The following CELF2 variants were observed in gnomAD, a reference collection of about 807,000 sequenced individuals.
CELF2 encodes CUG triplet repeat RNA-binding protein 2.
CELF2 carries 8 observed loss-of-function variants against 62.6 expected under a neutral mutation model. The observed-to-expected ratio is 0.13, with a 90% CI of 0.07 to 0.23. The LOEUF is 0.23. Among genes scored for constraint, CELF2 ranks in the 10% least tolerant of loss-of-function variants. CELF2 has a pLI of 1.00. For synonymous variants in CELF2, 258 were observed against 250.0 expected (o/e 1.03, Z -0.30); for missense variants, 333 against 671.0 (o/e 0.50, Z 5.56).
chr10:10,806,407 G>A (rs995727292), intron 1 of CELF2, among the ~76,000 whole-genome samples: 7 of 152,036 alleles, frequency 4.6e-5, no homozygotes, highest in African/African-American at 9.7e-5. Flanking sequence ...GCTTCACCAC[G>A]TTGGCCAGGA....
chr10:11,208,332 G>A (rs1405109729), intron 2 of CELF2, among the ~76,000 whole-genome samples: 1 of 152,176 alleles, frequency 6.6e-6, no homozygotes, highest in Non-Finnish European at 1.5e-5. Flanking sequence ...CGGTTTCTGT[G>A]ACACAGGCGC....
In CELF2 at chr10:10,987,056, G is replaced by A. The variant is rs115831668; in HGVS notation, c.89+67057G>A. Among the ~76,000 whole-genome samples, 158 of 152,310 alleles carry A rather than the reference G, an allele frequency of 1.0e-3. 1 individual carries two copies. The highest frequency in any genetic ancestry group is 3.2e-3 in the African/African-American group (133 of 41,564). The stretch of plus-strand genomic sequence containing the variant: ...TCAGGCTTGGATAGACTAGCTGGCA[G>A]TAGTCATCTTTACCTTTGGTCCTAC... On this transcript the variant is annotated intron_variant, in intron 2 of 13. Transcript: ENST00000636488.
chr10:11,273,289 A>G (rs958339834), intron 7 of CELF2, among the ~76,000 whole-genome samples: 5 of 152,006 alleles, frequency 3.3e-5, no homozygotes, highest in African/African-American at 9.7e-5. Flanking sequence ...GCGGCAGGCG[A>G]GAGAGCGTTA....
At chr10:11,050,374 G>C (rs1176925271) in intron 1 of CELF2, among the ~76,000 whole-genome samples, 1 of 152,186 alleles carries the variant, frequency 6.6e-6, no homozygotes, top group Admixed American at 6.5e-5. Context: ...TTGGGCTTGG[G>C]TTTCAGATAC....
chr10:11,329,921 C>T lies in CELF2; in HGVS notation c.*868C>T, dbSNP rs1012749464. On this transcript the variant is annotated 3_prime_UTR_variant, in exon 13 of 13. Coordinates refer to ENST00000633077, the MANE Select transcript of CELF2 (RefSeq NM_001326342.2). This position sits in a 1 kb window ranked among gnomAD's most constrained non-coding sequence, Gnocchi z 5.5. ...GTAAAAAAGCATTTCTATTTTTATA[C>T]AAAATTTTTACTGCCTCAGAAATAA... 2.0e-5 allele frequency: 3 copies of T among 152,484 alleles called. No homozygotes were observed. Among genetic ancestry groups the T allele is most frequent in the African/African-American group, 7.2e-5 (3 of 41,406 alleles). 9.4% of individuals were successfully genotyped at this position (152,484 alleles called of 1,614,324 possible).
the CELF2 span, among the ~76,000 whole-genome samples, chr10:10,747,142 G>A: frequency 6.6e-6 from 1 of 152,158 alleles, no homozygotes; most frequent in Non-Finnish European, 1.5e-5. Flanking sequence ...ATGTTGTCTA[G>A]GTAAGAGGTC....
intron 4 of CELF2, among the ~76,000 whole-genome samples, chr10:11,253,492 T>C (rs2077742020): frequency 6.6e-6 from 1 of 152,172 alleles, no homozygotes; most frequent in Non-Finnish European, 1.5e-5. Flanking sequence ...AGAAATAATT[T>C]TGAAATTCAA....
At chr10:11,016,847 A>G (rs2057324226), upstream of CELF2, among the ~76,000 whole-genome samples, 1 of 152,266 alleles carries the variant, frequency 6.6e-6, no homozygotes, top group Admixed American at 6.5e-5. This position sits in a 1 kb window ranked among gnomAD's most constrained non-coding sequence, Gnocchi z 5.2. Flanking sequence ...AGACACATAC[A>G]TTACCCTAAA....
At chr10:10,467,134 C>T in the CELF2 span, among the ~76,000 whole-genome samples, 51,559 of 151,852 alleles carry the variant, frequency 0.34, 9,265 homozygotes, top group Admixed American at 0.42. Flanking sequence ...ATTTATTTCA[C>T]GGTTCATACT....
At chr10:10,795,156 G>A (rs752174572), upstream of CELF2, among the ~76,000 whole-genome samples, 1 of 151,656 alleles carries the variant, frequency 6.6e-6, no homozygotes, top group African/African-American at 2.4e-5. Context: ...TCACAGAAAT[G>A]TTAGCTCTAT....
the CELF2 span, among the ~76,000 whole-genome samples, chr10:10,699,682 C>A: frequency 6.6e-6 from 1 of 152,232 alleles, no homozygotes; most frequent in Non-Finnish European, 1.5e-5. Flanking sequence ...ATTTGAGGAA[C>A]TGAAAGAAGA....
the CELF2 span, among the ~76,000 whole-genome samples, chr10:10,493,784 G>A: frequency 3.3e-5 from 5 of 152,080 alleles, no homozygotes; most frequent in South Asian, 2.1e-4. Context: ...CACCCGCCTC[G>A]GCCTCCCAAA....
chr10:11,076,016 ATTAGT>A (rs1564630651), intron 1 of CELF2, among the ~76,000 whole-genome samples: 1 of 152,098 alleles, frequency 6.6e-6, no homozygotes, highest in Non-Finnish European at 1.5e-5. Context: ...AATTAAGAAC[ATTAGT>A]TTAACTCTCT....
At chr10:11,149,524 T>C (rs778000725) in intron 1 of CELF2, among the ~76,000 whole-genome samples, 1 of 152,180 alleles carries the variant, frequency 6.6e-6, no homozygotes, top group Non-Finnish European at 1.5e-5. Context: ...ATGAGCCCCG[T>C]GGCCAGAGGA....
the CELF2 span, among the ~76,000 whole-genome samples, chr10:10,546,976 A>G: frequency 6.6e-6 from 1 of 152,066 alleles, no homozygotes; most frequent in African/African-American, 2.4e-5. Context: ...GCATGGTGGC[A>G]TGCGCCTGTG....
At chr10:11,120,835 C>T (rs1057462865) in intron 1 of CELF2, among the ~76,000 whole-genome samples, 7 of 152,230 alleles carry the variant, frequency 4.6e-5, no homozygotes, top group Non-Finnish European at 1.0e-4. Context: ...TACGGCAGCA[C>T]TACAGTTAGC....
At chr10:10,710,390 C>T in the CELF2 span, among the ~76,000 whole-genome samples, 4 of 152,140 alleles carry the variant, frequency 2.6e-5, no homozygotes, top group Admixed American at 6.5e-5. Flanking sequence ...ACCAGAACTT[C>T]GTATCTTGAA....
chr10:11,033,200 T>G (rs546564073), intron 1 of CELF2, among the ~76,000 whole-genome samples: 1 of 152,076 alleles, frequency 6.6e-6, no homozygotes, highest in Non-Finnish European at 1.5e-5. Context: ...GCAACTCAAT[T>G]TGTACATCTC....
intron 1 of CELF2, among the ~76,000 whole-genome samples, chr10:11,111,709 A>G (rs1013955776): frequency 1.3e-5 from 2 of 152,236 alleles, no homozygotes; most frequent in Admixed American, 6.5e-5. Flanking sequence ...ATGTGGATGC[A>G]TCTTCCTGTG....
Sources: gnomAD v4.1 joint callset for allele counts (sites outside exome capture counted in the v4.1 genomes callset) on GRCh38, gnomAD v4.1.1 for gene constraint, Gnocchi (gnomAD v3.1) non-coding constraint, MANE v1.5 for transcripts, NCBI Gene and HGNC (gene_info 2026-07-23, HGNC 2026-07-21) for gene names.